Variants in MSRA observed in about 807,000 individuals in gnomAD.
The protein encoded by MSRA is methionine sulfoxide reductase A.
Under a neutral mutation model 31.3 loss-of-function variants are expected in MSRA, and 54 were observed. The observed-to-expected ratio is 1.73, with a 90% confidence interval of 1.39 to 2.17. The LOEUF (loss-of-function observed/expected upper bound fraction) is 2.17, where lower values mean the gene tolerates loss of function less well. MSRA is among the 30% of genes most tolerant of loss of function. The probability of loss-of-function intolerance (pLI) is 0.00; values close to 1 mark genes in which losing one functional copy is unlikely to be tolerated. For missense variants in MSRA, 507 were observed against 300.9 expected (o/e 1.69, Z -5.07); for synonymous variants, 169 against 116.5 (o/e 1.45, Z -2.90).
At chr8:10,264,809 G>A (rs1388800380) in intron 3 of MSRA, among the ~76,000 whole-genome samples, 1 of 152,190 alleles carries the variant, frequency 6.6e-6, no homozygotes, top group Non-Finnish European at 1.5e-5. Flanking sequence ...CCAATGCGGA[G>A]GGCACTGGAA....
At chr8:10,078,953 A>T (rs1295572921) in intron 1 of MSRA, among the ~76,000 whole-genome samples, 1 of 152,206 alleles carries the variant, frequency 6.6e-6, no homozygotes, top group East Asian at 1.9e-4. Flanking sequence ...CTAGCTTTTC[A>T]TGTGAGCCAC....
chr8:10,301,737 C>A, intron 4 of MSRA, 99 bp downstream of exon 4: 3 of 922,452 alleles, frequency 3.3e-6, no homozygotes, highest in Admixed American at 2.4e-5. Flanking sequence ...TGAAATCACA[C>A]AGGAGCTCAA....
rs556500499 is a variant in MSRA, at chr8:10,269,841, C to T, written c.331+24618C>T. Among the ~76,000 whole-genome samples the T allele has an allele frequency of 7.9e-5, 12 of 152,164 alleles. No homozygotes were observed. The East Asian group carries it at 9.7e-4, about 12-fold the overall frequency. The stretch of plus-strand genomic sequence containing the variant: ...TAATGTTTTGTATTTTTAGTAGAGA[C>T]GGGGTTTCACCGTGTTAGCCAGGAT... On this transcript the variant is annotated intron_variant, in intron 3 of 5. Transcript: ENST00000317173.
At chr8:10,058,813 C>A (rs1802542163) in intron 1 of MSRA, among the ~76,000 whole-genome samples, 1 of 152,166 alleles carries the variant, frequency 6.6e-6, no homozygotes, top group Non-Finnish European at 1.5e-5. Context: ...ATAAATTCTA[C>A]CTTTTTTGTA....
intron 5 of MSRA, among the ~76,000 whole-genome samples, chr8:10,326,252 A>C (rs1010240771): frequency 1.3e-5 from 2 of 152,244 alleles, no homozygotes; most frequent in Non-Finnish European, 2.9e-5. Context: ...ATTGCTTACC[A>C]CAGAGCAGCC....
At chr8:10,300,286 C>G (rs149282129) in intron 3 of MSRA, among the ~76,000 whole-genome samples, 5,747 of 151,906 alleles carry the variant, frequency 0.038, 269 homozygotes, top group African/African-American at 0.11. Flanking sequence ...GATGGAGTCT[C>G]ACCCTGTTGC....
At chr8:10,243,451 A>C (rs760185067) in intron 2 of MSRA, among the ~76,000 whole-genome samples, 1 of 152,214 alleles carries the variant, frequency 6.6e-6, no homozygotes. Context: ...ACCTGTGGAT[A>C]CTTAATTTTT....
chr8:10,259,558 C>G (rs1214175704), intron 3 of MSRA, among the ~76,000 whole-genome samples: 1 of 152,150 alleles, frequency 6.6e-6, no homozygotes. Context: ...GTCACTGTCC[C>G]TCCCTTTCCC....
intron 1 of MSRA, chr8:10,095,868 T>C (rs1799120077): frequency 1.6e-6 from 2 of 1,278,270 alleles, no homozygotes; most frequent in Non-Finnish European, 2.0e-6. Context: ...GGAAATACTA[T>C]ATTTGATTTT....
intron 1 of MSRA, among the ~76,000 whole-genome samples, chr8:10,202,502 A>C (rs62491573): frequency 0.45 from 68,839 of 152,056 alleles, 15,642 homozygotes; most frequent in South Asian, 0.6. Flanking sequence ...CATTTAAACC[A>C]GCAATGGCAA....
chr8:10,346,740 G>A (rs949690534), intron 5 of MSRA, among the ~76,000 whole-genome samples: 1 of 152,204 alleles, frequency 6.6e-6, no homozygotes, highest in African/African-American at 2.4e-5. Flanking sequence ...TCTTGGGTTA[G>A]TCCTAGAATT....
chr8:10,282,175 A>G (rs13282269), intron 3 of MSRA, among the ~76,000 whole-genome samples: 156 of 152,326 alleles, frequency 1.0e-3, no homozygotes, highest in Middle Eastern at 0.01. Context: ...ACAAAAGCCA[A>G]CAAGTTTTAT....
chr8:10,171,806 T>A (rs1805613300), intron 1 of MSRA, among the ~76,000 whole-genome samples: 4 of 152,272 alleles, frequency 2.6e-5, no homozygotes, highest in Admixed American at 2.6e-4. Flanking sequence ...AATAGCATTC[T>A]AATAATTCTG....
At chr8:10,238,621 C>A (rs957160711) in intron 2 of MSRA, among the ~76,000 whole-genome samples, 2 of 152,080 alleles carry the variant, frequency 1.3e-5, no homozygotes, top group Non-Finnish European at 2.9e-5. Context: ...CTACTTACAA[C>A]GATGTCATAT....
intron 1 of MSRA, among the ~76,000 whole-genome samples, chr8:10,160,491 T>C (rs1485938666): frequency 6.7e-6 from 1 of 148,550 alleles, no homozygotes; most frequent in African/African-American, 2.5e-5. Context: ...CGAGACTCCA[T>C]CTAAAAAAAA....
intron 1 of MSRA, among the ~76,000 whole-genome samples, chr8:10,166,649 A>T (rs1805151983): frequency 6.6e-6 from 1 of 152,040 alleles, no homozygotes; most frequent in African/African-American, 2.4e-5. Context: ...TGGGCTGGGG[A>T]TCTGCATTTT....
intron 5 of MSRA, among the ~76,000 whole-genome samples, chr8:10,418,843 C>CCA (rs1808638994): frequency 1.0e-5 from 1 of 100,014 alleles, no homozygotes; most frequent in Non-Finnish European, 2.0e-5. Flanking sequence ...AAAAAACCAA[C>CCA]AAAAAAAAAA....
chr8:10,427,461 C>G (rs1393494269), intron 5 of MSRA, among the ~76,000 whole-genome samples: 1 of 152,182 alleles, frequency 6.6e-6, no homozygotes, highest in East Asian at 1.9e-4. Flanking sequence ...TGGTGATGAG[C>G]CACAGGCCAC....
chr8:10,098,646 A>G (rs1799332433), intron 1 of MSRA, among the ~76,000 whole-genome samples: 1 of 152,232 alleles, frequency 6.6e-6, no homozygotes, highest in Non-Finnish European at 1.5e-5. Context: ...CACAATACAC[A>G]TATTGTAGAG....
Sources: gnomAD v4.1 joint callset for allele counts (sites outside exome capture counted in the v4.1 genomes callset) on GRCh38, gnomAD v4.1.1 for gene constraint, MANE v1.5 for transcripts, NCBI Gene and HGNC (gene_info 2026-07-23, HGNC 2026-07-21) for gene names.